PSMB2: variants seen among roughly 807,000 people sequenced by gnomAD.
The protein encoded by PSMB2 is proteasome 20S subunit beta 2.
A neutral mutation model predicts 25.7 loss-of-function variants in PSMB2; 13 were observed. That is an observed-to-expected ratio of 0.51 (90% CI 0.33 to 0.80). The LOEUF (loss-of-function observed/expected upper bound fraction) is 0.80, where lower values mean the gene tolerates loss of function less well. Among genes scored for constraint, PSMB2 ranks in the 30% least tolerant of loss-of-function variants. The pLI is 0.02. For missense variants in PSMB2, 202 were observed against 259.0 expected (o/e 0.78, Z 1.51); for synonymous variants, 87 against 96.2 (o/e 0.90, Z 0.56).
chr1:35,604,242 A>T (rs1571119446), intron 5 of PSMB2, among the ~76,000 whole-genome samples: 1 of 152,096 alleles, frequency 6.6e-6, no homozygotes, highest in Non-Finnish European at 1.5e-5. Context: ...CCATTCCCCC[A>T]TTCTCCATCT....
intron 3 of PSMB2, among the ~76,000 whole-genome samples, chr1:35,625,845 G>C (rs1650844601): frequency 6.6e-6 from 1 of 151,834 alleles, no homozygotes; most frequent in East Asian, 2.0e-4. Flanking sequence ...GAGAAAGGAA[G>C]CCTTTTTTTT....
intron 3 of PSMB2, among the ~76,000 whole-genome samples, chr1:35,621,765 T>C (rs766144452): frequency 5.3e-5 from 8 of 152,178 alleles, no homozygotes; most frequent in Non-Finnish European, 8.8e-5. Flanking sequence ...TCCCAGCACT[T>C]TGGGAGGCCA....
rs114659302 is a variant in PSMB2 at position 35,631,690 on chromosome 1, C to T, written c.215-346G>A. On this transcript the variant is annotated intron_variant, in intron 2 of 5. Coordinates refer to ENST00000373237, the MANE Select transcript of PSMB2 (RefSeq NM_002794.5). ...ACAAGAAGTGAAAAAAAAAGAAAGGCGTCTTAGATGCCAATCTTTTAAAAG... is the reference window on the plus strand; with the variant it reads ...ACAAGAAGTGAAAAAAAAAGAAAGGTGTCTTAGATGCCAATCTTTTAAAAG... Among the ~76,000 whole-genome samples the T allele has an allele frequency of 3.3e-3, 509 of 152,112 alleles. 3 individuals carry two copies. The highest frequency in any genetic ancestry group is 0.012 in the African/African-American group (490 of 41,496).
intron 2 of PSMB2, 29 bp downstream of exon 2, chr1:35,636,281 T>C (rs1651243131): frequency 1.2e-6 from 2 of 1,613,332 alleles, no homozygotes; most frequent in Non-Finnish European, 8.5e-7. Flanking sequence ...TAAACTCATA[T>C]GCCAACTAAA....
intron 3 of PSMB2, among the ~76,000 whole-genome samples, chr1:35,610,000 A>T (rs908555194): frequency 2.0e-5 from 3 of 152,236 alleles, no homozygotes; most frequent in Non-Finnish European, 4.4e-5. Flanking sequence ...GTCATTCCTA[A>T]TTGTTGAAAC....
At chr1:35,636,632 T>C (rs1651252423) in intron 1 of PSMB2, among the ~76,000 whole-genome samples, 200 bp from the exon 2 acceptor site, 2 of 152,118 alleles carry the variant, frequency 1.3e-5, no homozygotes, top group South Asian at 4.1e-4. Context: ...CCTGAACATG[T>C]ACTGACTTTT....
rs1650018681 is a variant in PSMB2, at chr1:35,602,077, A to G, written c.*1190T>C. On this transcript the variant is annotated 3_prime_UTR_variant, in exon 6 of 6. Transcript: ENST00000373237. ...GCCGGGCACGGTGGCTCACGCCTGT[A>G]ATCCCAGCACTGGGAAGCCAAGGCA... 2.2e-6 allele frequency: 1 copy of G among 448,056 alleles called. No homozygotes were observed. Among genetic ancestry groups the G allele is most frequent in the African/African-American group, 2.1e-5 (1 of 46,674 alleles). The allele number at this position is 448,056 out of a possible 1,614,324, so 27.8% of individuals were successfully genotyped here.
intron 3 of PSMB2, among the ~76,000 whole-genome samples, chr1:35,628,452 G>T (rs150585766): frequency 6.6e-6 from 1 of 150,626 alleles, no homozygotes; most frequent in South Asian, 2.1e-4. Context: ...CATCGTACAT[G>T]GCAAGTCATA....
At chr1:35,620,859 T>A (rs867244836) in intron 3 of PSMB2, among the ~76,000 whole-genome samples, 32 of 151,904 alleles carry the variant, frequency 2.1e-4, no homozygotes, top group African/African-American at 7.7e-4. Flanking sequence ...GAGACGGGGG[T>A]TTCACCATGT....
chr1:35,619,807 A>C (rs1398228350), intron 3 of PSMB2, among the ~76,000 whole-genome samples: 1 of 152,240 alleles, frequency 6.6e-6, no homozygotes, highest in Non-Finnish European at 1.5e-5. Context: ...CAGATGCCTT[A>C]TTATACCAAA....
At position 35,600,147 on chromosome 1, in the gene PSMB2, AAAC is replaced by A. The variant is rs1159572756; in HGVS notation, c.*3117_*3119del. ...GATGGAGCAAGACCCTGTCTCTGAA[AAAC>A]AACAATAAAAAATTATAATAAAATT... On this transcript the variant is annotated 3_prime_UTR_variant, in exon 6 of 6. Coordinates refer to ENST00000373237, the MANE Select transcript of PSMB2 (RefSeq NM_002794.5). The A allele has an allele frequency of 2.3e-5, 22 of 973,898 alleles. No individual in the cohort carries two copies. The highest frequency in any genetic ancestry group is 2.3e-5 in the Non-Finnish European group (19 of 819,604). 60.3% of individuals were successfully genotyped at this position (973,898 alleles called of 1,614,324 possible).
At chr1:35,633,586 A>G (rs1651162402) in intron 2 of PSMB2, among the ~76,000 whole-genome samples, 1 of 152,232 alleles carries the variant, frequency 6.6e-6, no homozygotes, top group South Asian at 2.1e-4. Context: ...CAGGACAGCC[A>G]GTGAAGTCAT....
At chr1:35,617,563 TA>T (rs2148568017) in intron 3 of PSMB2, among the ~76,000 whole-genome samples, 1 of 152,364 alleles carries the variant, frequency 6.6e-6, no homozygotes, top group East Asian at 1.9e-4. Flanking sequence ...ATAAGTTCAA[TA>T]AATGTTTATT....
intron 3 of PSMB2, among the ~76,000 whole-genome samples, chr1:35,622,585 G>C (rs1055610073): frequency 5.3e-5 from 8 of 152,004 alleles, no homozygotes; most frequent in African/African-American, 1.9e-4. Flanking sequence ...TTGGCATTAT[G>C]GGGCTGCAAA....
intron 3 of PSMB2, among the ~76,000 whole-genome samples, chr1:35,624,598 C>T (rs1485099012): frequency 2.6e-5 from 4 of 151,696 alleles, no homozygotes; most frequent in Non-Finnish European, 5.9e-5. Context: ...ATGAAAAATA[C>T]AAAAATTAGC....
chr1:35,632,050 T>A (rs1484109289), intron 2 of PSMB2, among the ~76,000 whole-genome samples: 1 of 151,900 alleles, frequency 6.6e-6, no homozygotes, highest in East Asian at 1.9e-4. Flanking sequence ...AAAAGGATAT[T>A]GGGAAAAGAG....
chr1:35,607,957 C>T (rs779933927), intron 4 of PSMB2, among the ~76,000 whole-genome samples: 13 of 152,186 alleles, frequency 8.5e-5, no homozygotes, highest in Non-Finnish European at 8.8e-5. Context: ...AAACACTGCA[C>T]GTTCTCACTC....
At position 35,600,044 on chromosome 1, in the gene PSMB2, G is replaced by A; in HGVS notation, c.*3223C>T. 3.1e-6 allele frequency: 2 copies of A among 637,322 alleles called. No homozygotes were observed. The highest frequency in any genetic ancestry group is 7.0e-5 in the South Asian group (1 of 14,320). 39.5% of individuals were successfully genotyped at this position (637,322 alleles called of 1,614,324 possible). The stretch of plus-strand genomic sequence containing the variant: ...CCAGCTAGTTGGGAGGCTGGGGTAA[G>A]AGGTTCACTTGAGCCCAGGAGTTCA... On this transcript the variant is annotated 3_prime_UTR_variant, in exon 6 of 6. Transcript: ENST00000373237.
Position 35,609,390 on chromosome 1 carries a change from G to GCT in PSMB2, c.303_304insAG (p.Leu102SerfsTer38), listed in dbSNP as rs1449557149. 1 of 1,582,222 alleles carries GCT rather than the reference G, an allele frequency of 6.3e-7. No homozygotes were observed. The highest frequency in any genetic ancestry group is 1.8e-5 in the Admixed American group (1 of 56,550). ...TGCTCATCATAGCCAGCCAGGAGGA[G>GCT]GTTCACATGATATGGGGTCTGCAAA... On this transcript the variant is annotated frameshift_variant, in exon 4 of 6. Coordinates refer to ENST00000373237, the MANE Select transcript of PSMB2 (RefSeq NM_002794.5). LOFTEE classifies it high-confidence loss of function.
Sources: gnomAD v4.1 joint callset for allele counts (sites outside exome capture counted in the v4.1 genomes callset) on GRCh38, gnomAD v4.1.1 for gene constraint, MANE v1.5 for transcripts, NCBI Gene and HGNC (gene_info 2026-07-23, HGNC 2026-07-21) for gene names.